PTPN13: variants seen among roughly 807,000 people sequenced by gnomAD.
The protein encoded by PTPN13 is protein tyrosine phosphatase non-receptor type 13, also known as tyrosine-protein phosphatase non-receptor type 13.
In PTPN13, 191 loss-of-function variants were observed where a neutral mutation model predicts 284.0. That is an observed-to-expected ratio of 0.67 (90% CI 0.60 to 0.76). PTPN13 has a LOEUF of 0.76. Among genes scored for constraint, PTPN13 ranks in the 30% least tolerant of loss-of-function variants. The pLI, the probability that PTPN13 is intolerant of heterozygous loss-of-function variation, is 0.00. For missense variants in PTPN13, 2,797 were observed against 2,939.9 expected (o/e 0.95, Z 1.12); for synonymous variants, 986 against 1,022.3 (o/e 0.96, Z 0.68).
At chr4:86,721,837 C>G (rs1431719706) in intron 9 of PTPN13, among the ~76,000 whole-genome samples, 2 of 151,350 alleles carry the variant, frequency 1.3e-5, no homozygotes, top group Non-Finnish European at 2.9e-5. Flanking sequence ...CCCCTTACCC[C>G]CAGGCTCAAT....
At chr4:86,812,415 A>G (rs911786396) in intron 47 of PTPN13, among the ~76,000 whole-genome samples, 6 of 152,154 alleles carry the variant, frequency 3.9e-5, no homozygotes, top group African/African-American at 1.4e-4. Flanking sequence ...CTTGCAGGAT[A>G]CTGATAAGGA....
intron 2 of PTPN13, among the ~76,000 whole-genome samples, chr4:86,647,721 G>A (rs1724602192): frequency 6.6e-6 from 1 of 151,986 alleles, no homozygotes; most frequent in Non-Finnish European, 1.5e-5. Context: ...AGTTATTAAG[G>A]TGGGGCCTAA....
chr4:86,636,464 C>T (rs1169693130), intron 2 of PTPN13, among the ~76,000 whole-genome samples: 2 of 152,144 alleles, frequency 1.3e-5, no homozygotes, highest in Admixed American at 6.5e-5. Context: ...AAGAATCAGT[C>T]TCTAAAATTG....
chr4:86,617,680 A>G (rs1328233505), intron 1 of PTPN13, among the ~76,000 whole-genome samples: 1 of 152,164 alleles, frequency 6.6e-6, no homozygotes, highest in Non-Finnish European at 1.5e-5. Flanking sequence ...TCTGATGGCC[A>G]GTGATGATGA....
chr4:86,748,598 A>G (rs1468858452), intron 17 of PTPN13, among the ~76,000 whole-genome samples: 1 of 152,190 alleles, frequency 6.6e-6, no homozygotes, highest in Non-Finnish European at 1.5e-5. Flanking sequence ...CGTAAAGTAA[A>G]TGAAAATAGA....
At chr4:86,670,561 C>T (rs1473154295) in intron 2 of PTPN13, among the ~76,000 whole-genome samples, 2 of 152,106 alleles carry the variant, frequency 1.3e-5, no homozygotes, top group Non-Finnish European at 2.9e-5. Flanking sequence ...CCAGCAGGTT[C>T]TCACCACCTC....
intron 2 of PTPN13, among the ~76,000 whole-genome samples, chr4:86,659,401 C>A (rs1726216839): frequency 6.6e-6 from 1 of 152,080 alleles, no homozygotes; most frequent in South Asian, 2.1e-4. Context: ...AAGTAATTTA[C>A]ATACCTAAGT....
Position 86,763,137 on chromosome 4 carries a change from G to T in PTPN13, c.3964G>T (p.Asp1322Tyr). Residue 1322 changes from aspartate (D) to tyrosine (Y), a missense_variant, in exon 24 of 48, where the codon GAC becomes TAC. Physicochemically the swap from Asp to Tyr is radical, Grantham distance 160. Coordinates refer to ENST00000411767, the MANE Select transcript of PTPN13 (RefSeq NM_080683.3). ...TGATTACTCAGACCGTGGAGATTCA[G>T]ACATGGATGAAGCCACTTACTCCAG... Reference protein sequence around the residue: ...VTDYSDRGDSDMDEATYSSSQ... With the variant: ...VTDYSDRGDSYMDEATYSSSQ... The T allele has an allele frequency of 1.2e-6, 2 of 1,613,566 alleles. No individual in the cohort carries two copies. The highest frequency in any genetic ancestry group is 1.7e-6 in the Non-Finnish European group (2 of 1,179,846).
At chr4:86,697,234 G>C (rs1297403667) in intron 6 of PTPN13, among the ~76,000 whole-genome samples, 1 of 152,038 alleles carries the variant, frequency 6.6e-6, no homozygotes, top group Admixed American at 6.6e-5. Context: ...TCTTCAGTGT[G>C]CACCAACCTA....
At chr4:86,689,831 T>C (rs950977275) in intron 5 of PTPN13, 4 of 686,014 alleles carry the variant, frequency 5.8e-6, no homozygotes, top group Non-Finnish European at 7.9e-6. Context: ...AAGGCTGTAT[T>C]TTATCTTGTT....
chr4:86,668,522 TCTTTAA>T (rs1727345415), intron 2 of PTPN13, among the ~76,000 whole-genome samples: 1 of 152,192 alleles, frequency 6.6e-6, no homozygotes. Context: ...TGTCACGGTT[TCTTTAA>T]CTTTATTACA....
rs1277858593 is a variant in PTPN13, at chr4:86,716,539, G to A, written c.1205G>A (p.Arg402Gln). Residue 402 changes from arginine (R) to glutamine (Q), a missense_variant, in exon 8 of 48, where the codon CGA becomes CAA. By Grantham distance (43) the Arg-to-Gln change is conservative (BLOSUM62 1). Transcript: ENST00000411767. ...GTTTTAATCCTTTTAGAACCAGTTC[G>A]AAGATACAAAACTTATCATGGTGAT... The part of the protein sequence containing the change: ...REAMNVEEPV[R>Q]RYKTYHGDVF... 2.0e-5 allele frequency: 31 copies of A among 1,579,292 alleles called. 2 individuals carry two copies. Among genetic ancestry groups the A allele is most frequent in the Middle Eastern group, 1.7e-4 (1 of 6,006 alleles).
At chr4:86,739,754 T>C (rs961595041) in intron 15 of PTPN13, among the ~76,000 whole-genome samples, 1 of 152,140 alleles carries the variant, frequency 6.6e-6, no homozygotes, top group Non-Finnish European at 1.5e-5. Context: ...ATAAGGCAAG[T>C]CCCTTCTGCC....
intron 42 of PTPN13, 121 bp downstream of exon 42, chr4:86,799,325 T>G: frequency 1.7e-6 from 1 of 580,978 alleles, no homozygotes; most frequent in Non-Finnish European, 2.8e-6. Context: ...TGCTTTTTTT[T>G]TTTTTTTTCT....
chr4:86,655,648 G>A (rs1725705268), intron 2 of PTPN13, among the ~76,000 whole-genome samples: 1 of 152,152 alleles, frequency 6.6e-6, no homozygotes, highest in Non-Finnish European at 1.5e-5. Context: ...AGGGTAACCC[G>A]ACCTTTCTCT....
At chr4:86,657,319 G>A (rs1459423022) in intron 2 of PTPN13, among the ~76,000 whole-genome samples, 4 of 152,180 alleles carry the variant, frequency 2.6e-5, no homozygotes, top group African/African-American at 7.2e-5. Context: ...CGCTCACGCT[G>A]GGAGCTATAG....
intron 6 of PTPN13, among the ~76,000 whole-genome samples, chr4:86,699,624 T>G (rs1460643374): frequency 6.6e-6 from 1 of 152,210 alleles, no homozygotes; most frequent in Non-Finnish European, 1.5e-5. Flanking sequence ...GAATTTATGG[T>G]GTTGCCAAAT....
chr4:86,808,746 C>T (rs1018278244), intron 45 of PTPN13, among the ~76,000 whole-genome samples: 1 of 152,102 alleles, frequency 6.6e-6, no homozygotes, highest in African/African-American at 2.4e-5. Context: ...AGAACTCAAC[C>T]CCTTTATAGA....
At chr4:86,600,185 A>C (rs566508824) in intron 1 of PTPN13, among the ~76,000 whole-genome samples, 1 of 152,206 alleles carries the variant, frequency 6.6e-6, no homozygotes, top group South Asian at 2.1e-4. Context: ...AAGAATTCCC[A>C]ATGTTTGGAA....
Sources: gnomAD v4.1 joint callset for allele counts (sites outside exome capture counted in the v4.1 genomes callset) on GRCh38, gnomAD v4.1.1 for gene constraint, MANE v1.5 for transcripts, NCBI Gene and HGNC (gene_info 2026-07-23, HGNC 2026-07-21) for gene names.